The following CACUL1 variants were observed in gnomAD, a reference collection of about 807,000 sequenced individuals.
The protein encoded by CACUL1 is CDK2-associated and cullin domain-containing protein 1.
CACUL1 carries 13 observed loss-of-function variants against 45.2 expected under a neutral mutation model. That is an observed-to-expected ratio of 0.29 (90% CI 0.19 to 0.46). CACUL1 has a LOEUF of 0.46. CACUL1 is among the 20% of genes least tolerant of loss of function. The pLI, the probability that CACUL1 is intolerant of heterozygous loss-of-function variation, is 1.00. For synonymous variants in CACUL1, 197 were observed against 174.2 expected, an observed-to-expected ratio of 1.13 and a Z score of -1.03; for missense variants, 421 against 471.4, an observed-to-expected ratio of 0.89 and a Z score of 0.99.
At chr10:118,713,193 G>A (rs897708564) in intron 3 of CACUL1, among the ~76,000 whole-genome samples, 3 of 152,232 alleles carry the variant, frequency 2.0e-5, no homozygotes, top group Non-Finnish European at 4.4e-5. Flanking sequence ...GCCAGGCTGC[G>A]ACAGCACCTG....
rs898555800 is a variant in CACUL1, at chr10:118,727,787, G to A, written c.597+1508C>T. On this transcript the variant is annotated intron_variant, in intron 3 of 8. Transcript: ENST00000369151. ...TTCAGTAAAACAGTCGAGAAATGAT[G>A]ATGAACCTGACTAGGGTACTGGCAA... Among the ~76,000 whole-genome samples the A allele has an allele frequency of 3.3e-5, 5 of 152,202 alleles. No individual in the cohort carries two copies. The East Asian group carries it at 7.7e-4, about 23-fold the overall frequency.
intron 3 of CACUL1, among the ~76,000 whole-genome samples, chr10:118,718,899 CTG>C (rs1383951895): frequency 1.3e-5 from 2 of 152,206 alleles, no homozygotes; most frequent in Admixed American, 1.3e-4. Context: ...TAAGCAGAAA[CTG>C]TTCTTTTTAA....
chr10:118,726,587 G>A (rs1845653753), intron 3 of CACUL1, among the ~76,000 whole-genome samples: 1 of 152,116 alleles, frequency 6.6e-6, no homozygotes, highest in Admixed American at 6.5e-5. Context: ...GAGGAGTGCA[G>A]GAGTTCCAGG....
At chr10:118,703,975 A>G (rs1845408889) in intron 4 of CACUL1, among the ~76,000 whole-genome samples, 1 of 152,080 alleles carries the variant, frequency 6.6e-6, no homozygotes, top group African/African-American at 2.4e-5. Context: ...TTTTTTCCCC[A>G]CTTACTTTTA....
intron 1 of CACUL1, among the ~76,000 whole-genome samples, chr10:118,745,133 T>C (rs2119675211): frequency 6.6e-6 from 1 of 152,344 alleles, no homozygotes; most frequent in South Asian, 2.1e-4. Flanking sequence ...AGTCTAATAC[T>C]ATTTGAAGGT....
chr10:118,721,128 G>T (rs894973067), intron 3 of CACUL1, among the ~76,000 whole-genome samples: 1 of 152,182 alleles, frequency 6.6e-6, no homozygotes, highest in African/African-American at 2.4e-5. Flanking sequence ...TAGTACAAGA[G>T]ATTTAGAAAT....
intron 6 of CACUL1, 45 bp from the exon 7 acceptor site, chr10:118,691,448 A>G (rs1368954465): frequency 1.3e-6 from 2 of 1,537,400 alleles, no homozygotes; most frequent in Non-Finnish European, 1.8e-6. Flanking sequence ...ATATAAACAC[A>G]CCAAATTAAA....
intron 4 of CACUL1, among the ~76,000 whole-genome samples, chr10:118,703,752 CTAACTAAAGT>C (rs1845407096): frequency 1.3e-5 from 2 of 152,258 alleles, no homozygotes; most frequent in African/African-American, 4.8e-5. Flanking sequence ...TCCAATTTCA[CTAACTAAAGT>C]AAGTTAGCGG....
intron 3 of CACUL1, among the ~76,000 whole-genome samples, chr10:118,728,442 TAGCTGGGACTAC>T (rs1326152557): frequency 6.6e-6 from 1 of 151,778 alleles, no homozygotes; most frequent in African/African-American, 2.4e-5. Flanking sequence ...GTCTCCTGAG[TAGCTGGGACTAC>T]AGGAGTGTGC....
intron 1 of CACUL1, among the ~76,000 whole-genome samples, chr10:118,748,170 T>C (rs1845862499): frequency 6.6e-6 from 1 of 152,182 alleles, no homozygotes; most frequent in Non-Finnish European, 1.5e-5. Flanking sequence ...TGGTTACTGC[T>C]GGACAGACAG....
At chr10:118,694,348 G>GTACTGTGC (rs1298734369) in intron 6 of CACUL1, among the ~76,000 whole-genome samples, 1 of 152,190 alleles carries the variant, frequency 6.6e-6, no homozygotes, top group Non-Finnish European at 1.5e-5. Context: ...ATGTTATCAG[G>GTACTGTGC]TACTGTGCGT....
At chr10:118,689,673 C>A (rs560034850) in intron 7 of CACUL1, among the ~76,000 whole-genome samples, 4 of 152,122 alleles carry the variant, frequency 2.6e-5, no homozygotes, top group African/African-American at 9.7e-5. Context: ...TCATCCCAAG[C>A]AAATCTGACA....
chr10:118,687,305 A>G (rs980988518), intron 7 of CACUL1, among the ~76,000 whole-genome samples: 1 of 152,116 alleles, frequency 6.6e-6, no homozygotes, highest in Non-Finnish European at 1.5e-5. Flanking sequence ...TACAGGTCCA[A>G]CTCCTCATCA....
chr10:118,738,729 T>C (rs2119660665), intron 1 of CACUL1, among the ~76,000 whole-genome samples: 1 of 151,872 alleles, frequency 6.6e-6, no homozygotes, highest in South Asian at 2.1e-4. Context: ...CACCAAAGAT[T>C]TGTAGAAAGT....
rs993532998 is a variant in CACUL1 at position 118,681,315 on chromosome 10, G to C, written c.*4813C>G. ...TGCTTGCCCTCCAAATTTTTCATAA[G>C]CATTCCTGTTACTAGCCATAGCTTC... On this transcript the variant is annotated 3_prime_UTR_variant, in exon 9 of 9. Coordinates refer to ENST00000369151, the MANE Select transcript of CACUL1 (RefSeq NM_153810.5). 1 of 152,178 alleles carries C rather than the reference G, an allele frequency of 6.6e-6. No homozygotes were observed. Among genetic ancestry groups the C allele is most frequent in the Non-Finnish European group, 1.5e-5 (1 of 68,038 alleles). 9.4% of individuals were successfully genotyped at this position (152,178 alleles called of 1,614,324 possible). A position where few individuals can be genotyped will look rare whatever the true frequency, so the allele number is the denominator to read the frequency against.
At chr10:118,698,169 C>T (rs1242045033) in intron 5 of CACUL1, among the ~76,000 whole-genome samples, 5 of 143,230 alleles carry the variant, frequency 3.5e-5, no homozygotes, top group African/African-American at 1.0e-4. Flanking sequence ...TTTTTTGAGA[C>T]GGAGTCTCAC....
intron 6 of CACUL1, among the ~76,000 whole-genome samples, chr10:118,694,673 C>T (rs1554894358): frequency 6.6e-6 from 1 of 152,142 alleles, no homozygotes; most frequent in Non-Finnish European, 1.5e-5. Flanking sequence ...CTATAGTGAT[C>T]TTTGGTATTT....
chr10:118,713,751 A>C (rs1845515220), intron 3 of CACUL1, among the ~76,000 whole-genome samples: 1 of 152,226 alleles, frequency 6.6e-6, no homozygotes, highest in East Asian at 1.9e-4. Flanking sequence ...TGTCCCATTT[A>C]TAGTTCTTTA....
At chr10:118,689,546 A>C (rs2119545605) in intron 7 of CACUL1, among the ~76,000 whole-genome samples, 1 of 152,342 alleles carries the variant, frequency 6.6e-6, no homozygotes, top group African/African-American at 2.4e-5. Context: ...TATACCAAAA[A>C]TTCAAGACAT....
Sources: gnomAD v4.1 joint callset for allele counts (sites outside exome capture counted in the v4.1 genomes callset) on GRCh38, gnomAD v4.1.1 for gene constraint, MANE v1.5 for transcripts, NCBI Gene and HGNC (gene_info 2026-07-23, HGNC 2026-07-21) for gene names.